Variants in CEP164 observed in about 807,000 individuals in gnomAD.
CEP164 encodes the protein centrosomal protein of 164 kDa.
A neutral mutation model predicts 182.7 loss-of-function variants in CEP164; 162 were observed. The observed-to-expected ratio is 0.89, with a 90% confidence interval of 0.78 to 1.01. CEP164 has a LOEUF of 1.01. Ranked by LOEUF, CEP164 falls within the 50% of genes least tolerant of loss-of-function variation. CEP164 has a pLI of 0.00. For missense variants in CEP164, 1,735 were observed against 1,790.4 expected (o/e 0.97, Z 0.56); for synonymous variants, 661 against 690.0 (o/e 0.96, Z 0.66).
At position 117,382,887 on chromosome 11, in the gene CEP164, G is replaced by A. The variant is rs554021062; in HGVS notation, c.1669G>A (p.Glu557Lys). The change falls in exon 14 of 33, where the codon GAG becomes AAG. Residue 557 changes from glutamate (E) to lysine (K), a missense_variant. Glu to Lys is a moderately conservative substitution (Grantham distance 56). Transcript: ENST00000278935. Reference protein sequence around the residue: ...EELGPGQEEAEDPEEKVAVSP... With the variant: ...EELGPGQEEAKDPEEKVAVSP... ...GCTGGGCCCTGGGCAGGAAGAGGCA[G>A]AGGATCCTGAGGAGAAGGTGGCGGT... is the stretch of plus-strand genomic sequence containing the variant. The A allele has an allele frequency of 6.8e-6, 11 of 1,613,990 alleles. No homozygotes were observed. In the East Asian group the frequency reaches 8.9e-5, roughly 13 times the overall value.
At chr11:117,401,070 T>C (rs2097133096) in intron 27 of CEP164, among the ~76,000 whole-genome samples, 2 of 152,238 alleles carry the variant, frequency 1.3e-5, no homozygotes, top group Admixed American at 6.5e-5. Context: ...GTGCCGGTTT[T>C]CAAAGGGAAT....
chr11:117,405,560 T>C (rs2046584084), intron 27 of CEP164, among the ~76,000 whole-genome samples: 1 of 152,192 alleles, frequency 6.6e-6, no homozygotes, highest in Non-Finnish European at 1.5e-5. Context: ...TCTGCGTTAA[T>C]CTTGCTGGGA....
At chr11:117,408,139 G>A in intron 28 of CEP164, 107 bp downstream of exon 28, 1 of 760,376 alleles carries the variant, frequency 1.3e-6, no homozygotes, top group Non-Finnish European at 2.1e-6. Flanking sequence ...GGGCCTCTAG[G>A]GCCCAGGATT....
chr11:117,342,876 T>C (rs921309022), intron 3 of CEP164, among the ~76,000 whole-genome samples: 1 of 152,056 alleles, frequency 6.6e-6, no homozygotes, highest in African/African-American at 2.4e-5. Context: ...ACAAAATTTT[T>C]GTTTGTTTGT....
chr11:117,343,378 C>T (rs915221674), intron 3 of CEP164, among the ~76,000 whole-genome samples: 2 of 151,946 alleles, frequency 1.3e-5, no homozygotes, highest in East Asian at 1.9e-4. Flanking sequence ...CATTACAGCA[C>T]GTGTCACCTG....
chr11:117,352,769 T>C (rs2039817081), intron 5 of CEP164, among the ~76,000 whole-genome samples: 1 of 152,120 alleles, frequency 6.6e-6, no homozygotes, highest in Admixed American at 6.5e-5. Flanking sequence ...GTATTTTTAG[T>C]AGAGTTGGGG....
rs747914869 is a variant in CEP164 at position 117,351,969 on chromosome 11, A to AC, written c.381dup (p.Lys128GlnfsTer77). 45 of 1,585,780 alleles carry AC rather than the reference A, an allele frequency of 2.8e-5. No individual in the cohort carries two copies. The highest frequency in any genetic ancestry group is 3.6e-5 in the Non-Finnish European group (42 of 1,166,310). On this transcript the variant is annotated frameshift_variant, in exon 5 of 33. Transcript: ENST00000278935. LOFTEE classifies it high-confidence loss of function. ...GAAAAGAAAGACAAGAAGGACAGAGACCCCCCCAAAAGTTCGCTGGTGAGT... is the reference window on the plus strand; with the variant it reads ...GAAAAGAAAGACAAGAAGGACAGAGACCCCCCCCAAAAGTTCGCTGGTGAGT...
chr11:117,343,509 G>A (rs1271654990), intron 3 of CEP164, among the ~76,000 whole-genome samples: 1 of 152,192 alleles, frequency 6.6e-6, no homozygotes, highest in Non-Finnish European at 1.5e-5. Flanking sequence ...CAAATCTTGG[G>A]AGAGCTTACT....
intron 3 of CEP164, 55 bp downstream of exon 3, chr11:117,338,723 G>A: frequency 2.3e-6 from 3 of 1,326,100 alleles, no homozygotes; most frequent in Admixed American, 3.4e-5. Context: ...TTGAGGACAG[G>A]GATTGTCTGG....
At chr11:117,336,704 A>G (rs538825695) in intron 2 of CEP164, 71 of 750,712 alleles carry the variant, frequency 9.5e-5, no homozygotes, top group Admixed American at 4.3e-4. Context: ...GATGTTTTTA[A>G]TGGCTGGGCC....
At chr11:117,357,309 A>G (rs891909727) in intron 5 of CEP164, among the ~76,000 whole-genome samples, 5 of 151,700 alleles carry the variant, frequency 3.3e-5, no homozygotes, top group Non-Finnish European at 7.4e-5. Context: ...GAGTTTTGCC[A>G]TGTTGGCCAG....
intron 9 of CEP164, among the ~76,000 whole-genome samples, chr11:117,372,753 C>T (rs1314767637): frequency 6.6e-6 from 1 of 152,080 alleles, no homozygotes. Context: ...TGGGGGCAGT[C>T]GTGGTTGCAG....
rs1219869993 is a variant in CEP164, at chr11:117,361,964, T to C, written c.523T>C (p.Ser175Pro). Residue 175 changes from serine (S) to proline (P), a missense_variant, in exon 6 of 33, where the codon TCT becomes CCT. Coordinates refer to ENST00000278935, the MANE Select transcript of CEP164 (RefSeq NM_014956.5). ...QSVSLGSSVESGRQLGELMLP... is the reference protein window; with the variant it reads ...QSVSLGSSVEPGRQLGELMLP... Reference sequence around the variant, plus strand: ...CGTGAGCCTGGGGAGCTCAGTGGAGTCTGGACGTCAGCTTGGAGAACTCAT... The same window carrying C: ...CGTGAGCCTGGGGAGCTCAGTGGAGCCTGGACGTCAGCTTGGAGAACTCAT... The C allele has an allele frequency of 3.1e-6, 5 of 1,589,642 alleles. No individual in the cohort carries two copies. In the South Asian group the frequency reaches 5.7e-5, roughly 18 times the overall value.
chr11:117,345,985 C>T (rs2038840372), intron 4 of CEP164, among the ~76,000 whole-genome samples: 1 of 152,160 alleles, frequency 6.6e-6, no homozygotes, highest in South Asian at 2.1e-4. Context: ...CCGGCCTGTT[C>T]TCTTGATCTT....
chr11:117,380,724 T>C lies in CEP164; in HGVS notation c.1409+19T>C. 6.3e-7 allele frequency: 1 copy of C among 1,584,106 alleles called. No homozygotes were observed. The highest frequency in any genetic ancestry group is 8.6e-7 in the Non-Finnish European group (1 of 1,164,746). On this transcript the variant is annotated intron_variant, in intron 12 of 32. Transcript: ENST00000278935. ...AGGAGAGGTACCATAGGTGGGAGGCTATCCCCAGCGCTGTGCCTTCAGGGT... is the reference window on the plus strand; with the variant it reads ...AGGAGAGGTACCATAGGTGGGAGGCCATCCCCAGCGCTGTGCCTTCAGGGT...
intron 5 of CEP164, chr11:117,359,466 T>C (rs912147528): frequency 2.0e-6 from 2 of 985,114 alleles, no homozygotes; most frequent in Non-Finnish European, 2.4e-6. Flanking sequence ...AGCTCAGGAG[T>C]GTCTCTCACC....
At chr11:117,332,276 A>C (rs897602071) in intron 1 of CEP164, among the ~76,000 whole-genome samples, 16 of 152,094 alleles carry the variant, frequency 1.1e-4, no homozygotes, top group Non-Finnish European at 1.8e-4. Flanking sequence ...ACACATTTTC[A>C]TAAAAAAAGT....
At chr11:117,322,367 G>A (rs1162807859) in intron 1 of CEP164, among the ~76,000 whole-genome samples, 5 of 152,154 alleles carry the variant, frequency 3.3e-5, no homozygotes, top group Admixed American at 6.6e-5. Flanking sequence ...CGCCCGCCTC[G>A]ACCTCCCAAA....
At chr11:117,327,340 GTTAATCAT>G (rs1160005684), upstream of CEP164, among the ~76,000 whole-genome samples, 2 of 151,832 alleles carry the variant, frequency 1.3e-5, no homozygotes, top group Non-Finnish European at 2.9e-5. Context: ...TTCACCTGAT[GTTAATCAT>G]ACTCCTAACA....
Sources: allele counts gnomAD v4.1 joint callset (sites outside exome capture counted in the v4.1 genomes callset), GRCh38; gene constraint gnomAD v4.1.1; transcripts MANE v1.5; gene names NCBI Gene and HGNC (gene_info 2026-07-23, HGNC 2026-07-21).